The following STOM variants were observed in gnomAD, a reference collection of about 807,000 sequenced individuals.
STOM encodes the protein erythrocyte band 7 integral membrane protein.
A neutral mutation model predicts 30.6 loss-of-function variants in STOM; 25 were observed. That is an observed-to-expected ratio of 0.82 (90% CI 0.60 to 1.14). STOM has a LOEUF of 1.14. Among genes scored for constraint, STOM ranks in the 50% most tolerant of loss-of-function variants. The probability of loss-of-function intolerance (pLI) is 0.00; values close to 1 mark genes in which losing one functional copy is unlikely to be tolerated. For missense variants in STOM, 292 were observed against 365.2 expected, an observed-to-expected ratio of 0.80 and a Z score of 1.63; for synonymous variants, 118 against 130.8, an observed-to-expected ratio of 0.90 and a Z score of 0.67.
intron 5 of STOM, 54 bp downstream of exon 5, chr9:121,349,066 T>A: frequency 6.3e-7 from 1 of 1,583,206 alleles, no homozygotes; most frequent in Non-Finnish European, 8.7e-7. Context: ...AACCATTGAC[T>A]CTTTGCTTCA....
intron 1 of STOM, among the ~76,000 whole-genome samples, chr9:121,369,451 C>T (rs2064539721): frequency 7.0e-6 from 1 of 143,124 alleles, no homozygotes; most frequent in African/African-American, 2.5e-5. Flanking sequence ...CTTACAGCTC[C>T]TGCCTTGAAG....
At chr9:121,346,854 G>A (rs1485664585) in intron 6 of STOM, among the ~76,000 whole-genome samples, 1 of 152,078 alleles carries the variant, frequency 6.6e-6, no homozygotes, top group African/African-American at 2.4e-5. Context: ...TGGCTTAAAG[G>A]GCATCCTAAG....
intron 6 of STOM, among the ~76,000 whole-genome samples, chr9:121,342,486 G>A (rs1476755398): frequency 1.3e-5 from 2 of 151,970 alleles, no homozygotes; most frequent in Admixed American, 6.6e-5. Flanking sequence ...TAAATATGTT[G>A]CAGTATGTTA....
At position 121,340,581 on chromosome 9, in the gene STOM, CAAT is replaced by C. The variant is rs1188909637; in HGVS notation, c.*618_*620del. On this transcript the variant is annotated 3_prime_UTR_variant, in exon 7 of 7. Transcript: ENST00000286713. The stretch of plus-strand genomic sequence containing the variant: ...GTGAAACCCCGTCTCTACTAAAAAA[CAAT>C]AATAATAATACAAAAATTAGCTGGG... 13 of 590,786 alleles carry C rather than the reference CAAT, an allele frequency of 2.2e-5. No individual in the cohort carries two copies. Among genetic ancestry groups the C allele is most frequent in the Admixed American group, 1.3e-4 (2 of 15,782 alleles). 36.6% of individuals were successfully genotyped at this position (590,786 alleles called of 1,614,324 possible).
Position 121,370,098 on chromosome 9 carries a change from G to C in STOM, c.61+29C>G, listed in dbSNP as rs1267178599. 1.8e-5 allele frequency: 27 copies of C among 1,528,230 alleles called. No individual in the cohort carries two copies. In the Admixed American group the frequency reaches 3.6e-4, roughly 20 times the overall value. The allele number at this position is 1,528,230 out of a possible 1,614,324, so 94.7% of individuals were successfully genotyped here. On this transcript the variant is annotated intron_variant, in intron 1 of 6. Coordinates refer to ENST00000286713, the MANE Select transcript of STOM (RefSeq NM_004099.6). ...CGCTGCGGGCGGGGGCTCGGTCCACGGGGGAGGGTCAGGGGACGCGGGACT... is the reference window on the plus strand; with the variant it reads ...CGCTGCGGGCGGGGGCTCGGTCCACCGGGGAGGGTCAGGGGACGCGGGACT...
At chr9:121,351,107 C>T (rs1261342017) in intron 4 of STOM, among the ~76,000 whole-genome samples, 1 of 152,168 alleles carries the variant, frequency 6.6e-6, no homozygotes, top group African/African-American at 2.4e-5. Flanking sequence ...GGATTGCTGC[C>T]AAGTTCCAAT....
chr9:121,356,115 C>T lies in STOM; in HGVS notation c.103G>A (p.Val35Met), dbSNP rs757402987. Residue 35 changes from valine (V) to methionine (M), a missense_variant, in exon 2 of 7, where the codon GTG (valine) becomes ATG (methionine). Transcript: ENST00000286713. ...KGLGPCGWIL[V>M]AFSFLFTVIT... Reference sequence around the variant, plus strand: ...ACGGTGAATAAGAATGAGAACGCCACCAAAATCCATCCGCAAGGTCCAAGG... The same window carrying T: ...ACGGTGAATAAGAATGAGAACGCCATCAAAATCCATCCGCAAGGTCCAAGG... The T allele has an allele frequency of 6.2e-7, 1 of 1,613,998 alleles. No homozygotes were observed. The highest frequency in any genetic ancestry group is 1.3e-5 in the African/African-American group (1 of 74,902).
chr9:121,357,069 C>A (rs761955834), intron 1 of STOM, among the ~76,000 whole-genome samples: 12 of 152,106 alleles, frequency 7.9e-5, no homozygotes, highest in Non-Finnish European at 1.8e-4. Flanking sequence ...AGGTGAAAAC[C>A]ATATGATATG....
chr9:121,366,803 T>A (rs112841619), intron 1 of STOM, among the ~76,000 whole-genome samples: 37 of 152,130 alleles, frequency 2.4e-4, no homozygotes, highest in African/African-American at 8.9e-4. Flanking sequence ...AAAAGTGTGG[T>A]CTAAAGGCCA....
intron 4 of STOM, among the ~76,000 whole-genome samples, chr9:121,350,083 T>A (rs896767059): frequency 6.6e-6 from 1 of 152,234 alleles, no homozygotes; most frequent in East Asian, 1.9e-4. Flanking sequence ...TGTCTTATTA[T>A]TTCATCTTGG....
chr9:121,341,687 T>A (rs894948324), intron 6 of STOM, among the ~76,000 whole-genome samples: 10 of 152,234 alleles, frequency 6.6e-5, no homozygotes, highest in African/African-American at 1.9e-4. Context: ...TTCAAAATAC[T>A]GTGCAGGATT....
chr9:121,370,088 C>T (rs1298151728), intron 1 of STOM, 39 bp downstream of exon 1: 6 of 1,508,100 alleles, frequency 4.0e-6, no homozygotes, highest in South Asian at 1.2e-5. Flanking sequence ...CGGGCGGGGG[C>T]TCGGTCCACG....
intron 6 of STOM, among the ~76,000 whole-genome samples, chr9:121,342,029 C>T (rs1289835703): frequency 4.6e-5 from 7 of 152,260 alleles, no homozygotes; most frequent in Admixed American, 2.0e-4. Context: ...TATACATGTA[C>T]GATTTAATTC....
intron 1 of STOM, among the ~76,000 whole-genome samples, chr9:121,356,634 C>A (rs1056509288): frequency 4.6e-5 from 7 of 152,104 alleles, no homozygotes; most frequent in African/African-American, 1.7e-4. Flanking sequence ...GGAGGTGATT[C>A]AGGTGGCTGT....
chr9:121,348,963 T>C (rs528105569), intron 5 of STOM, among the ~76,000 whole-genome samples, 157 bp downstream of exon 5: 2 of 151,980 alleles, frequency 1.3e-5, no homozygotes, highest in Non-Finnish European at 2.9e-5. Context: ...ATGTGAAAAA[T>C]GTCCCCTCCT....
chr9:121,356,183 C>G (rs907551270), intron 1 of STOM, 27 bp from the exon 2 acceptor site: 8 of 1,580,310 alleles, frequency 5.1e-6, no homozygotes, highest in East Asian at 2.2e-5. Context: ...ATATACAACT[C>G]TCACAACTGT....
At chr9:121,366,382 C>T in intron 1 of STOM, 1 of 381,348 alleles carries the variant, frequency 2.6e-6, no homozygotes, top group Non-Finnish European at 3.6e-6. Flanking sequence ...TATCTATTGA[C>T]ACACACTTCC....
chr9:121,368,871 C>A (rs143865318), intron 1 of STOM, among the ~76,000 whole-genome samples: 1 of 147,372 alleles, frequency 6.8e-6, no homozygotes, highest in South Asian at 2.1e-4. Context: ...ACTCGGGAGG[C>A]GGAGGTTGCA....
intron 1 of STOM, among the ~76,000 whole-genome samples, chr9:121,364,753 C>T (rs1394216130): frequency 2.0e-5 from 3 of 152,164 alleles, no homozygotes; most frequent in African/African-American, 7.2e-5. Flanking sequence ...GTGAGAGCAA[C>T]AGCAATAATT....
Sources: allele counts gnomAD v4.1 joint callset (sites outside exome capture counted in the v4.1 genomes callset), GRCh38; gene constraint gnomAD v4.1.1; transcripts MANE v1.5; gene names NCBI Gene and HGNC (gene_info 2026-07-23, HGNC 2026-07-21).